The following DMRT1 variants were observed in gnomAD, a reference collection of about 807,000 sequenced individuals.
DMRT1 encodes the protein doublesex and mab-3 related transcription factor 1, also known as doublesex- and mab-3-related transcription factor 1.
DMRT1 carries 7 observed loss-of-function variants against 32.3 expected under a neutral mutation model. That is an observed-to-expected ratio of 0.22 (90% CI 0.12 to 0.41). DMRT1 has a LOEUF of 0.41. Among genes scored for constraint, DMRT1 ranks in the 10% least tolerant of loss-of-function variants. The pLI is 1.00. For synonymous variants in DMRT1, 278 were observed against 206.1 expected (o/e 1.35, Z -2.99); for missense variants, 625 against 500.5 (o/e 1.25, Z -2.37).
At chr9:852,708 C>G (rs920786275) in intron 2 of DMRT1, among the ~76,000 whole-genome samples, 1 of 152,194 alleles carries the variant, frequency 6.6e-6, no homozygotes, top group African/African-American at 2.4e-5. Flanking sequence ...GCACCGGGGA[C>G]TTCCATCCAC....
At position 874,046 on chromosome 9, in the gene DMRT1, C is replaced by T. The variant is rs116575613; in HGVS notation, c.539-19866C>T. Among the ~76,000 whole-genome samples, 785 of 152,236 alleles carry T rather than the reference C, an allele frequency of 5.2e-3. 5 individuals are homozygous for T. The highest frequency in any genetic ancestry group is 0.017 in the African/African-American group (716 of 41,540). The stretch of plus-strand genomic sequence containing the variant: ...ATTTTGTATTTCTCTTAAGATTAAA[C>T]GAGGAAACAAATTTAAAATGTAGTC... On this transcript the variant is annotated intron_variant, in intron 2 of 4. Coordinates refer to ENST00000382276, the MANE Select transcript of DMRT1 (RefSeq NM_021951.3).
intron 3 of DMRT1, among the ~76,000 whole-genome samples, chr9:901,581 C>T (rs1173604814): frequency 1.3e-5 from 2 of 152,186 alleles, no homozygotes; most frequent in Non-Finnish European, 2.9e-5. Flanking sequence ...CCTGCCTTGG[C>T]CTCCCAAAGT....
chr9:865,329 T>G (rs574586665), intron 2 of DMRT1, among the ~76,000 whole-genome samples: 1 of 152,262 alleles, frequency 6.6e-6, no homozygotes, highest in African/African-American at 2.4e-5. Flanking sequence ...AGCAGTTCAT[T>G]TAACTTTGTC....
At chr9:895,959 C>A (rs921528626) in intron 3 of DMRT1, among the ~76,000 whole-genome samples, 4 of 152,044 alleles carry the variant, frequency 2.6e-5, no homozygotes, top group African/African-American at 9.6e-5. Context: ...CACGCGCCAC[C>A]AAGCCCAGCT....
intron 2 of DMRT1, among the ~76,000 whole-genome samples, chr9:884,765 T>C (rs1322205979): frequency 3.3e-5 from 5 of 151,816 alleles, no homozygotes; most frequent in Non-Finnish European, 5.9e-5. Context: ...AGGTCAGGAG[T>C]TCGAGACCAG....
intron 4 of DMRT1, among the ~76,000 whole-genome samples, chr9:944,941 T>C (rs570139299): frequency 6.6e-6 from 1 of 152,122 alleles, no homozygotes; most frequent in East Asian, 1.9e-4. Context: ...CTAAAATTAA[T>C]GTCCCCCAAA....
Position 951,162 on chromosome 9 carries a change from C to G in DMRT1, c.968-16823C>G, listed in dbSNP as rs538414650. Among the ~76,000 whole-genome samples, 41 of 152,216 alleles carry G rather than the reference C, an allele frequency of 2.7e-4. 1 individual carries two copies. Among genetic ancestry groups the G allele is most frequent in the African/African-American group, 9.9e-4 (41 of 41,540 alleles). On this transcript the variant is annotated intron_variant, in intron 4 of 4. Coordinates refer to ENST00000382276, the MANE Select transcript of DMRT1 (RefSeq NM_021951.3). ...CCTAGAGCCTCATTGAAGCACTAGA[C>G]AACATGAGAGTTAACTGCTAGCAAA...
At chr9:942,897 C>T (rs923727614) in intron 4 of DMRT1, among the ~76,000 whole-genome samples, 1 of 151,490 alleles carries the variant, frequency 6.6e-6, no homozygotes, top group Non-Finnish European at 1.5e-5. Flanking sequence ...AGCCATCTGT[C>T]GCAAAGAATT....
chr9:857,597 G>A (rs1815454265), intron 2 of DMRT1, among the ~76,000 whole-genome samples: 3 of 152,080 alleles, frequency 2.0e-5, no homozygotes, highest in Admixed American at 2.0e-4. Context: ...CTAAAACTTG[G>A]CAGGAATAGT....
intron 4 of DMRT1, among the ~76,000 whole-genome samples, chr9:927,046 T>A (rs115839316): frequency 0.02 from 3,033 of 152,322 alleles, 57 homozygotes; most frequent in African/African-American, 0.046. Flanking sequence ...TCCTCACTCA[T>A]GAGATTTCCT....
At position 847,107 on chromosome 9, in the gene DMRT1, C is replaced by T; in HGVS notation, c.502C>T (p.Pro168Ser). The T allele has an allele frequency of 6.2e-7, 1 of 1,613,454 alleles. No homozygotes were observed. Among genetic ancestry groups the T allele is most frequent in the African/African-American group, 1.3e-5 (1 of 75,034 alleles). Reference sequence around the variant, plus strand: ...GACTGAGTGCAGTGGCACCTCTCAGCCACCGCCGGCCAGTGTCCCCACCAC... The same window carrying T: ...GACTGAGTGCAGTGGCACCTCTCAGTCACCGCCGGCCAGTGTCCCCACCAC... Reference protein sequence around the residue: ...LMTECSGTSQPPPASVPTTAA... With the variant: ...LMTECSGTSQSPPASVPTTAA... The change falls in exon 2 of 5, where the codon CCA becomes TCA. Residue 168 changes from proline to serine, a missense_variant. By Grantham distance (74) the Pro-to-Ser change is moderately conservative. Around this residue, in one of 3 missense-constraint regions of DMRT1, gnomAD observed 416 missense variants for 321.6 expected, o/e 1.29. Transcript: ENST00000382276.
chr9:899,814 C>T lies in DMRT1; in HGVS notation c.822+5619C>T, dbSNP rs577127559. ...TATGGGAGGACTCTGAGCTATGCCT[C>T]GGATCTCCTTTCAGGCCCTATGGCA... On this transcript the variant is annotated intron_variant, in intron 3 of 4. Transcript: ENST00000382276. Among the ~76,000 whole-genome samples, 97 of 152,360 alleles carry T rather than the reference C, an allele frequency of 6.4e-4. 1 individual carries two copies. The highest frequency in any genetic ancestry group is 6.3e-4 in the Non-Finnish European group (43 of 68,042).
At chr9:929,026 A>G (rs1818623118) in intron 4 of DMRT1, among the ~76,000 whole-genome samples, 2 of 151,846 alleles carry the variant, frequency 1.3e-5, no homozygotes, top group African/African-American at 4.8e-5. Flanking sequence ...TTTAGTATAG[A>G]TGGGGTTTCG....
At chr9:906,685 C>G (rs1283226288) in intron 3 of DMRT1, among the ~76,000 whole-genome samples, 1 of 152,140 alleles carries the variant, frequency 6.6e-6, no homozygotes, top group African/African-American at 2.4e-5. Flanking sequence ...GGCATCATTT[C>G]TCATTTTCAG....
At chr9:870,709 C>CTCTTTTTTTTTTTTTTTTT (rs1816206857) in intron 2 of DMRT1, among the ~76,000 whole-genome samples, 9 of 69,558 alleles carry the variant, frequency 1.3e-4, no homozygotes, top group African/African-American at 5.9e-4. Context: ...ATTTTCTTGA[C>CTCTTTTTTTTTTTTTTTTT]TTTTTTTTTT....
intron 2 of DMRT1, among the ~76,000 whole-genome samples, chr9:851,052 A>G (rs1043785498): frequency 2.7e-5 from 4 of 150,884 alleles, no homozygotes; most frequent in Admixed American, 6.6e-5. Context: ...AAAAGAAAGA[A>G]AAATAGACGT....
intron 4 of DMRT1, among the ~76,000 whole-genome samples, chr9:930,502 C>T (rs184764743): frequency 1.1e-4 from 17 of 152,000 alleles, no homozygotes; most frequent in African/African-American, 3.9e-4. Context: ...AGCTCCGCCT[C>T]TCGGGTTCAT....
Position 968,277 on chromosome 9 carries a change from G to C in DMRT1, c.*138G>C. 9.7e-7 allele frequency: 1 copy of C among 1,034,740 alleles called. No individual in the cohort carries two copies. The highest frequency in any genetic ancestry group is 1.4e-5 in the South Asian group (1 of 69,184). The allele number at this position is 1,034,740 out of a possible 1,614,324, so 64.1% of individuals were successfully genotyped here. A position where few individuals can be genotyped will look rare whatever the true frequency, so the allele number is the denominator to read the frequency against. On this transcript the variant is annotated 3_prime_UTR_variant, in exon 5 of 5. Coordinates refer to ENST00000382276, the MANE Select transcript of DMRT1 (RefSeq NM_021951.3). ...TTTGGTTTATATTCCTTAGAGTTTAGTCCAGAGGCTGTAACACATTTGTAA... is the reference window on the plus strand; with the variant it reads ...TTTGGTTTATATTCCTTAGAGTTTACTCCAGAGGCTGTAACACATTTGTAA...
chr9:884,658 G>A (rs879533107), intron 2 of DMRT1, among the ~76,000 whole-genome samples: 1 of 152,164 alleles, frequency 6.6e-6, no homozygotes, highest in Non-Finnish European at 1.5e-5. Flanking sequence ...CAAATTAGGA[G>A]TATATACCAA....
Sources: allele counts gnomAD v4.1 joint callset (sites outside exome capture counted in the v4.1 genomes callset), GRCh38; gene constraint gnomAD v4.1.1; regional missense constraint gnomAD v4.1.1; transcripts MANE v1.5; gene names NCBI Gene and HGNC (gene_info 2026-07-23, HGNC 2026-07-21).